The following FANCC variants were observed in gnomAD, a reference collection of about 807,000 sequenced individuals.
FANCC encodes the protein Fanconi anemia group C protein.
FANCC carries 55 observed loss-of-function variants against 71.3 expected under a neutral mutation model. The observed-to-expected ratio is 0.77, with a 90% CI of 0.62 to 0.97. The LOEUF (loss-of-function observed/expected upper bound fraction) is 0.97, where lower values mean the gene tolerates loss of function less well. Ranked by LOEUF, FANCC falls within the 50% of genes least tolerant of loss-of-function variation. The pLI, the probability that FANCC is intolerant of heterozygous loss-of-function variation, is 0.00. For synonymous variants in FANCC, 275 were observed against 244.9 expected, an observed-to-expected ratio of 1.12 and a Z score of -1.15; for missense variants, 678 against 670.9, an observed-to-expected ratio of 1.01 and a Z score of -0.12.
intron 4 of FANCC, among the ~76,000 whole-genome samples, chr9:95,188,303 A>T (rs1233282564): frequency 3.9e-5 from 6 of 152,116 alleles, no homozygotes; most frequent in Admixed American, 3.9e-4. Context: ...TCACGCCACT[A>T]CTGCCACAGC....
chr9:95,107,463 T>A, intron 13 of FANCC, 194 bp from the exon 14 acceptor site: 1 of 653,962 alleles, frequency 1.5e-6, no homozygotes, highest in Non-Finnish European at 2.7e-6. Flanking sequence ...ATTTCTTGAC[T>A]TTCTTTCGTC....
At chr9:95,239,662 T>G (rs566322711) in intron 4 of FANCC, among the ~76,000 whole-genome samples, 1 of 152,216 alleles carries the variant, frequency 6.6e-6, no homozygotes, top group Non-Finnish European at 1.5e-5. Context: ...TTACATTAAT[T>G]TTCCTTCCAA....
At chr9:95,165,175 G>C (rs1424731947) in intron 6 of FANCC, among the ~76,000 whole-genome samples, 1 of 149,666 alleles carries the variant, frequency 6.7e-6, no homozygotes, top group Non-Finnish European at 1.5e-5. Flanking sequence ...TTTTTTCTTA[G>C]TCTAAGGAAT....
At chr9:95,227,478 C>T (rs1829690543) in intron 4 of FANCC, among the ~76,000 whole-genome samples, 1 of 152,166 alleles carries the variant, frequency 6.6e-6, no homozygotes, top group South Asian at 2.1e-4. Context: ...ATCTTATTCT[C>T]AACTAGTTCC....
At chr9:95,250,575 A>G (rs1405463768) in intron 1 of FANCC, among the ~76,000 whole-genome samples, 3 of 152,236 alleles carry the variant, frequency 2.0e-5, no homozygotes, top group Admixed American at 6.5e-5. Context: ...AAATGAAAAG[A>G]AAGTTTAATA....
chr9:95,228,485 A>C (rs1829772412), intron 4 of FANCC, among the ~76,000 whole-genome samples: 1 of 152,142 alleles, frequency 6.6e-6, no homozygotes, highest in Admixed American at 6.5e-5. Flanking sequence ...AAAAATTCCT[A>C]TTCATTTCTT....
chr9:95,168,148 T>C (rs1056299358), intron 6 of FANCC, among the ~76,000 whole-genome samples: 1 of 152,230 alleles, frequency 6.6e-6, no homozygotes, highest in African/African-American at 2.4e-5. Context: ...GATTCTCCAG[T>C]GCTGCAACAA....
At chr9:95,305,873 C>T (rs1835047743) in intron 1 of FANCC, among the ~76,000 whole-genome samples, 1 of 152,202 alleles carries the variant, frequency 6.6e-6, no homozygotes, top group South Asian at 2.1e-4. Context: ...TCCCACTCAT[C>T]TCAAAGGCAT....
chr9:95,123,928 T>C, intron 10 of FANCC: 2 of 387,394 alleles, frequency 5.2e-6, no homozygotes, highest in Non-Finnish European at 9.9e-6. Flanking sequence ...AAAATGGAAA[T>C]TGTACTTAAT....
At chr9:95,316,460 A>C (rs971481440) in intron 1 of FANCC, among the ~76,000 whole-genome samples, 5 of 152,260 alleles carry the variant, frequency 3.3e-5, no homozygotes, top group African/African-American at 1.2e-4. Flanking sequence ...GTCTGAGGGC[A>C]TATCACTGAC....
chr9:95,123,494 G>C, intron 10 of FANCC: 1 of 467,930 alleles, frequency 2.1e-6, no homozygotes, highest in Non-Finnish European at 4.3e-6. Context: ...ACAAAAATTA[G>C]TGCTTCCTCC....
At chr9:95,126,615 A>G (rs1432311562) in intron 8 of FANCC, 34 bp from the exon 9 acceptor site, 8 of 1,606,476 alleles carry the variant, frequency 5.0e-6, no homozygotes, top group Non-Finnish European at 6.8e-6. Context: ...AATGTGAAAT[A>G]TCACAAGCAC....
intron 10 of FANCC, chr9:95,123,919 A>C (rs1006560787): frequency 9.7e-6 from 4 of 412,180 alleles, no homozygotes; most frequent in Admixed American, 3.3e-5. Context: ...GAGAAAAATA[A>C]AATGGAAATT....
intron 10 of FANCC, chr9:95,123,452 C>A: frequency 2.2e-6 from 1 of 460,542 alleles, no homozygotes; most frequent in Non-Finnish European, 4.3e-6. Context: ...CCAGCCCGGG[C>A]AACATGGTGA....
intron 7 of FANCC, among the ~76,000 whole-genome samples, chr9:95,148,579 C>A (rs556750941): frequency 6.6e-6 from 1 of 152,296 alleles, no homozygotes; most frequent in South Asian, 2.1e-4. Flanking sequence ...TACTTAAAGT[C>A]ATTTCTGATG....
chr9:95,151,092 G>A (rs533216013), intron 6 of FANCC, among the ~76,000 whole-genome samples: 16 of 152,280 alleles, frequency 1.1e-4, no homozygotes, highest in East Asian at 3.9e-4. Context: ...TGCAGAAAGC[G>A]CCACTGGACA....
chr9:95,291,959 A>ATATAT (rs1332408874), intron 1 of FANCC, among the ~76,000 whole-genome samples: 2 of 106,622 alleles, frequency 1.9e-5, no homozygotes, highest in African/African-American at 6.4e-5. Context: ...AAAAAAAAAA[A>ATATAT]AAAAAAAAAT....
chr9:95,109,069 C>G (rs545953235), intron 13 of FANCC, among the ~76,000 whole-genome samples: 2 of 152,234 alleles, frequency 1.3e-5, no homozygotes, highest in African/African-American at 4.8e-5. Context: ...ATTACCATAC[C>G]TGGCTAATTT....
chr9:95,202,998 A>G (rs1827894031), intron 4 of FANCC, among the ~76,000 whole-genome samples: 1 of 152,232 alleles, frequency 6.6e-6, no homozygotes, highest in South Asian at 2.1e-4. Flanking sequence ...GCAAAGAAAT[A>G]TCAGCTAAAT....
Sources: gnomAD v4.1 joint callset for allele counts (sites outside exome capture counted in the v4.1 genomes callset) on GRCh38, gnomAD v4.1.1 for gene constraint, MANE v1.5 for transcripts, NCBI Gene and HGNC (gene_info 2026-07-23, HGNC 2026-07-21) for gene names.